ADCY5: variants seen among roughly 807,000 people sequenced by gnomAD.
ADCY5 encodes the protein adenylate cyclase 5.
In ADCY5, 30 loss-of-function variants were observed where a neutral mutation model predicts 119.7. The observed-to-expected ratio is 0.25, with a 90% CI of 0.19 to 0.34. ADCY5 has a LOEUF of 0.34. ADCY5 is among the 10% of genes least tolerant of loss of function. ADCY5 has a pLI of 1.00. For synonymous variants in ADCY5, 753 were observed against 762.2 expected (o/e 0.99, Z 0.20); for missense variants, 1,324 against 1,775.2 (o/e 0.75, Z 4.57).
intron 3 of ADCY5, among the ~76,000 whole-genome samples, chr3:123,346,607 TTCTC>T (rs72299981): frequency 0.12 from 14,776 of 128,146 alleles, 2,001 homozygotes; most frequent in African/African-American, 0.3. Context: ...CAGCCTCACC[TTCTC>T]TCTCTCTCTC....
chr3:123,333,363 G>A (rs891932947), intron 3 of ADCY5, among the ~76,000 whole-genome samples: 1 of 152,244 alleles, frequency 6.6e-6, no homozygotes, highest in Admixed American at 6.5e-5. Flanking sequence ...TTCTCTTAGA[G>A]CAGCCTGAAC....
Position 123,303,037 on chromosome 3 carries a change from C to A in ADCY5, c.2724+18G>T. On this transcript the variant is annotated intron_variant, in intron 14 of 20. Coordinates refer to ENST00000462833, the MANE Select transcript of ADCY5 (RefSeq NM_183357.3). ...GGGACTCTTCAGCACTCCCTTCCAG[C>A]CCCTGTGCACCCAGTACCTCGGGGA... 6.2e-7 allele frequency: 1 copy of A among 1,612,290 alleles called. No homozygotes were observed. Among genetic ancestry groups the A allele is most frequent in the South Asian group, 1.1e-5 (1 of 90,820 alleles).
At chr3:123,414,722 A>G (rs887504539) in intron 1 of ADCY5, among the ~76,000 whole-genome samples, 16 of 151,922 alleles carry the variant, frequency 1.1e-4, no homozygotes, top group African/African-American at 3.9e-4. Context: ...ATGCCCGGCT[A>G]ATTTTTGTAT....
intron 1 of ADCY5, among the ~76,000 whole-genome samples, chr3:123,371,704 C>T (rs1943648095): frequency 6.6e-6 from 1 of 152,272 alleles, no homozygotes; most frequent in Non-Finnish European, 1.5e-5. Context: ...TGCCTCAGGG[C>T]ACTCCCCATC....
intron 10 of ADCY5, 89 bp downstream of exon 10, chr3:123,319,585 G>A: frequency 6.6e-7 from 1 of 1,510,726 alleles, no homozygotes; most frequent in Non-Finnish European, 9.0e-7. Context: ...GTGGTGCTGG[G>A]GGCATGAGGG....
At chr3:123,417,943 G>C (rs761891579) in intron 1 of ADCY5, among the ~76,000 whole-genome samples, 1 of 152,234 alleles carries the variant, frequency 6.6e-6, no homozygotes, top group African/African-American at 2.4e-5. Flanking sequence ...CCTTCCAACA[G>C]AGCGAGACTC....
At chr3:123,288,628 C>T (rs890708107) in intron 19 of ADCY5, among the ~76,000 whole-genome samples, 5 of 152,152 alleles carry the variant, frequency 3.3e-5, no homozygotes, top group Non-Finnish European at 5.9e-5. Flanking sequence ...ATTTTATGGA[C>T]ACAGTAGGGT....
At chr3:123,357,112 C>A (rs944621050) in intron 1 of ADCY5, among the ~76,000 whole-genome samples, 1 of 152,048 alleles carries the variant, frequency 6.6e-6, no homozygotes, top group Non-Finnish European at 1.5e-5. Flanking sequence ...CACAAGGAAA[C>A]CTTTTGGGGT....
At position 123,315,128 on chromosome 3, in the gene ADCY5, C is replaced by G. The variant is rs2108320991; in HGVS notation, c.2355-806G>C. On this transcript the variant is annotated intron_variant, in intron 11 of 20. Coordinates refer to ENST00000462833, the MANE Select transcript of ADCY5 (RefSeq NM_183357.3). ...CCCAGGGACAACACACCCCACCATA[C>G]CACCAGGTGGCCTTTCAAGGGAGGA... Among the ~76,000 whole-genome samples, 3 of 152,334 alleles carry G rather than the reference C, an allele frequency of 2.0e-5. 1 individual carries two copies. The South Asian group carries it at 6.2e-4, about 32-fold the overall frequency.
At chr3:123,410,650 C>CTT (rs1037059371) in intron 1 of ADCY5, among the ~76,000 whole-genome samples, 1 of 149,410 alleles carries the variant, frequency 6.7e-6, no homozygotes, top group East Asian at 2.0e-4. Context: ...CACATCCATT[C>CTT]TTTTTTTTTT....
rs1032028263 is a variant in ADCY5, at chr3:123,286,176, C to T, written c.3657+509G>A. Among the ~76,000 whole-genome samples, 7 of 152,158 alleles carry T rather than the reference C, an allele frequency of 4.6e-5. No homozygotes were observed. The highest frequency in any genetic ancestry group is 7.2e-5 in the African/African-American group (3 of 41,448). On this transcript the variant is annotated intron_variant, in intron 20 of 20. Coordinates refer to ENST00000462833, the MANE Select transcript of ADCY5 (RefSeq NM_183357.3). The surrounding 1 kb of genome is among the most constrained non-coding windows in gnomAD (Gnocchi z 4.2). ...AGGCCGGGAAACCACAAGCCCAGCT[C>T]GCAAAGGAGGGAGCAAGGGGAAAAG...
chr3:123,324,449 C>CACAA (rs1939737650), intron 8 of ADCY5, among the ~76,000 whole-genome samples: 2 of 136,722 alleles, frequency 1.5e-5, no homozygotes, highest in Non-Finnish European at 3.1e-5. Flanking sequence ...CACACACACA[C>CACAA]ACACACACAC....
chr3:123,383,946 T>C (rs1944125191), intron 1 of ADCY5, among the ~76,000 whole-genome samples: 2 of 119,434 alleles, frequency 1.7e-5, no homozygotes, highest in South Asian at 6.2e-4. Context: ...CACACACCCT[T>C]CTGCAAGGCA....
chr3:123,430,669 T>A (rs987415377), intron 1 of ADCY5, among the ~76,000 whole-genome samples: 9 of 152,192 alleles, frequency 5.9e-5, no homozygotes, highest in African/African-American at 1.9e-4. Context: ...ATAACCCCTT[T>A]CCAAAGAAAG....
At chr3:123,390,239 A>G (rs1315152457) in intron 1 of ADCY5, among the ~76,000 whole-genome samples, 1 of 152,232 alleles carries the variant, frequency 6.6e-6, no homozygotes, top group Admixed American at 6.5e-5. Flanking sequence ...TGGGGGAAGA[A>G]GAGGGAGCTG....
intron 8 of ADCY5, among the ~76,000 whole-genome samples, chr3:123,322,174 G>A (rs868767998): frequency 6.6e-6 from 1 of 152,210 alleles, no homozygotes; most frequent in Non-Finnish European, 1.5e-5. Context: ...CTGGACAGGC[G>A]AGCTCCCTGT....
chr3:123,385,966 T>A (rs6806929), intron 1 of ADCY5, among the ~76,000 whole-genome samples: 1 of 151,882 alleles, frequency 6.6e-6, no homozygotes, highest in African/African-American at 2.4e-5. Context: ...ATGAAGACAC[T>A]GAGGCTCAGA....
rs1272677746 is a variant in ADCY5, at chr3:123,286,129, A to T, written c.3657+556T>A. On this transcript the variant is annotated intron_variant, in intron 20 of 20. Coordinates refer to ENST00000462833, the MANE Select transcript of ADCY5 (RefSeq NM_183357.3). The surrounding 1 kb of genome is among the most constrained non-coding windows in gnomAD (Gnocchi z 4.2). ...CAGCAGAGAATCAAGGAAGGCTCAAAAAGCAGCAGCTGAAGAACAGCAGGC... is the reference window on the plus strand; with the variant it reads ...CAGCAGAGAATCAAGGAAGGCTCAATAAGCAGCAGCTGAAGAACAGCAGGC... Among the ~76,000 whole-genome samples, 1 of 152,180 alleles carries T rather than the reference A, an allele frequency of 6.6e-6. No homozygotes were observed. The highest frequency in any genetic ancestry group is 1.5e-5 in the Non-Finnish European group (1 of 68,024).
intron 13 of ADCY5, 28 bp from the exon 14 acceptor site, chr3:123,303,247 G>A (rs759906918): frequency 6.2e-7 from 1 of 1,606,132 alleles, no homozygotes; most frequent in East Asian, 2.2e-5. Context: ...GGTGATGAGG[G>A]GAGGGTAAGC....
Sources: allele counts gnomAD v4.1 joint callset (sites outside exome capture counted in the v4.1 genomes callset), GRCh38; gene constraint gnomAD v4.1.1; non-coding constraint Gnocchi (gnomAD v3.1); transcripts MANE v1.5; gene names NCBI Gene and HGNC (gene_info 2026-07-23, HGNC 2026-07-21).